COMMD2: variants seen among roughly 807,000 people sequenced by gnomAD.
COMMD2 encodes the protein COMM domain containing 2.
A neutral mutation model predicts 22.5 loss-of-function variants in COMMD2; 25 were observed. The observed-to-expected ratio is 1.11, with a 90% confidence interval of 0.81 to 1.55. The LOEUF is 1.55. Among genes scored for constraint, COMMD2 ranks in the 40% most tolerant of loss-of-function variants. The probability of loss-of-function intolerance (pLI) is 0.00; values close to 1 mark genes in which losing one functional copy is unlikely to be tolerated. For synonymous variants in COMMD2, 98 were observed against 91.2 expected, an observed-to-expected ratio of 1.07 and a Z score of -0.42; for missense variants, 223 against 232.9, an observed-to-expected ratio of 0.96 and a Z score of 0.28.
intron 2 of COMMD2, 186 bp from the exon 3 acceptor site, chr3:149,751,671 CCCA>C: frequency 2.0e-6 from 1 of 506,488 alleles, no homozygotes; most frequent in South Asian, 3.0e-5. Context: ...TTTGGTATTT[CCCA>C]CCAAGTAACC....
intron 4 of COMMD2, among the ~76,000 whole-genome samples, chr3:149,745,076 G>A (rs1263825034): frequency 6.6e-6 from 1 of 152,130 alleles, no homozygotes; most frequent in Non-Finnish European, 1.5e-5. Context: ...GCACACAAGA[G>A]AGACGTAAAG....
rs1371565649 is a variant in COMMD2 at position 149,740,036 on chromosome 3, G to A, written c.*1485C>T. 1 of 152,160 alleles carries A rather than the reference G, an allele frequency of 6.6e-6. No individual in the cohort carries two copies. Among genetic ancestry groups the A allele is most frequent in the African/African-American group, 2.4e-5 (1 of 41,424 alleles). 9.4% of individuals were successfully genotyped at this position (152,160 alleles called of 1,614,324 possible). A position where few individuals can be genotyped will look rare whatever the true frequency, so the allele number is the denominator to read the frequency against. ...CCTAATTCTTACGAAGCAAAGTATT[G>A]ACAAAGTCTAGAGCGCAGTTTAGAG... On this transcript the variant is annotated 3_prime_UTR_variant, in exon 5 of 5. Coordinates refer to ENST00000473414, the MANE Select transcript of COMMD2 (RefSeq NM_016094.4).
chr3:149,750,393 T>G (rs752039874), intron 4 of COMMD2: 2 of 487,340 alleles, frequency 4.1e-6, no homozygotes, highest in Admixed American at 2.4e-5. Flanking sequence ...CTGTTAAATT[T>G]AAACAGAAAA....
At chr3:149,751,940 T>C (rs913495728) in intron 2 of COMMD2, 5 of 411,124 alleles carry the variant, frequency 1.2e-5, no homozygotes, top group Middle Eastern at 6.4e-4. Flanking sequence ...GGTATATTTA[T>C]ACAAAACACT....
At chr3:149,744,253 A>C (rs1040783761) in intron 4 of COMMD2, among the ~76,000 whole-genome samples, 85 of 152,332 alleles carry the variant, frequency 5.6e-4, no homozygotes, top group African/African-American at 2.0e-3. Context: ...CAAGGCACTG[A>C]AAAGGGTATT....
In COMMD2 at chr3:149,749,715, A is replaced by G. The variant is rs6800144; in HGVS notation, c.402+963T>C. Among the ~76,000 whole-genome samples, 777 of 152,242 alleles carry G rather than the reference A, an allele frequency of 5.1e-3. 4 individuals are homozygous for G. Among genetic ancestry groups the G allele is most frequent in the African/African-American group, 0.018 (749 of 41,540 alleles). ...TTACCCTAATTTTCTCTATTCATTC[A>G]TCCTTCTGAAATTTCATTTCCTTTT... On this transcript the variant is annotated intron_variant, in intron 4 of 4. Coordinates refer to ENST00000473414, the MANE Select transcript of COMMD2 (RefSeq NM_016094.4).
In COMMD2 at chr3:149,747,235, T is replaced by C. The variant is rs142655369; in HGVS notation, c.402+3443A>G. ...GACAGTTCTAGGCTAAAGATATAAA[T>C]TTGAGAATCCCAAGAATATGGGGAT... On this transcript the variant is annotated intron_variant, in intron 4 of 4. Coordinates refer to ENST00000473414, the MANE Select transcript of COMMD2 (RefSeq NM_016094.4). 2.5e-3 allele frequency among the ~76,000 whole-genome samples: 382 copies of C among 152,306 alleles called. 3 individuals carry two copies. Among genetic ancestry groups the C allele is most frequent in the African/African-American group, 8.7e-3 (362 of 41,554 alleles).
rs147737497 is a variant in COMMD2, at chr3:149,744,110, T to C, written c.403-2392A>G. The stretch of plus-strand genomic sequence containing the variant: ...GTTCTTGATATGGACTTATTTTTTA[T>C]TGGGGATGAGATTCTGTCCTCCTCC... On this transcript the variant is annotated intron_variant, in intron 4 of 4. Coordinates refer to ENST00000473414, the MANE Select transcript of COMMD2 (RefSeq NM_016094.4). Among the ~76,000 whole-genome samples, 274 of 152,274 alleles carry C rather than the reference T, an allele frequency of 1.8e-3. 5 individuals are homozygous for C. In the East Asian group the frequency reaches 0.031, roughly 17 times the overall value.
chr3:149,751,058 A>G (rs1324828000), intron 3 of COMMD2, among the ~76,000 whole-genome samples: 3 of 152,214 alleles, frequency 2.0e-5, no homozygotes, highest in Non-Finnish European at 4.4e-5. Flanking sequence ...AATTGTTAAG[A>G]TGCCCAGTTT....
At chr3:149,751,295 TAAC>T (rs768498855) in intron 3 of COMMD2, 105 bp downstream of exon 3, 3 of 1,533,826 alleles carry the variant, frequency 2.0e-6, no homozygotes, top group Admixed American at 2.1e-5. Flanking sequence ...TATAAACCAT[TAAC>T]AACATTATTA....
Position 149,738,709 on chromosome 3 carries a change from T to TTTTAA in COMMD2, c.*2811_*2812insTTAAA, listed in dbSNP as rs1285368000. 6 of 152,266 alleles carry TTTTAA rather than the reference T, an allele frequency of 3.9e-5. No homozygotes were observed. The East Asian group carries it at 1.2e-3, about 29-fold the overall frequency. 9.4% of individuals were successfully genotyped at this position (152,266 alleles called of 1,614,324 possible). A position where few individuals can be genotyped will look rare whatever the true frequency, so the allele number is the denominator to read the frequency against. On this transcript the variant is annotated 3_prime_UTR_variant, in exon 5 of 5. Transcript: ENST00000473414. Reference sequence around the variant, plus strand: ...CTCCGAAGACTTATCTCTTAACCACTTCATAAGATTAAAACGCTGAAGGGG... The same window carrying TTTTAA: ...CTCCGAAGACTTATCTCTTAACCACTTTTAATCATAAGATTAAAACGCTGAAGGGG...
At chr3:149,744,388 G>T (rs1362792975) in intron 4 of COMMD2, among the ~76,000 whole-genome samples, 1 of 152,142 alleles carries the variant, frequency 6.6e-6, no homozygotes, top group East Asian at 1.9e-4. Context: ...GACAGGAAAA[G>T]AATGCTTTGA....
At chr3:149,744,422 T>TA (rs1716312183) in intron 4 of COMMD2, among the ~76,000 whole-genome samples, 1 of 152,200 alleles carries the variant, frequency 6.6e-6, no homozygotes, top group Non-Finnish European at 1.5e-5. Flanking sequence ...GGACCAGTCC[T>TA]AAAAGGAACA....
chr3:149,747,034 G>A (rs1054082154), intron 4 of COMMD2, among the ~76,000 whole-genome samples: 1 of 152,152 alleles, frequency 6.6e-6, no homozygotes, highest in Non-Finnish European at 1.5e-5. Context: ...TCCCACCCTT[G>A]ACAAGAGGGA....
At chr3:149,750,419 G>T in intron 4 of COMMD2, 1 of 516,772 alleles carries the variant, frequency 1.9e-6, no homozygotes, top group African/African-American at 1.9e-5. Context: ...TAAACATCTA[G>T]GCACCAACCT....
intron 3 of COMMD2, among the ~76,000 whole-genome samples, chr3:149,751,084 A>C (rs1716515952): frequency 6.6e-6 from 1 of 152,202 alleles, no homozygotes; most frequent in Non-Finnish European, 1.5e-5. Context: ...CCTGTCCTTC[A>C]TCAAGCCAGA....
chr3:149,749,581 A>T (rs1716472955), intron 4 of COMMD2, among the ~76,000 whole-genome samples: 1 of 152,244 alleles, frequency 6.6e-6, no homozygotes, highest in African/African-American at 2.4e-5. Context: ...AGGTTATTCC[A>T]ACATGAAGTC....
At position 149,738,673 on chromosome 3, in the gene COMMD2, CT is replaced by C. The variant is rs1243733641; in HGVS notation, c.*2847del. The C allele has an allele frequency of 1.3e-5, 2 of 151,950 alleles. No homozygotes were observed. Among genetic ancestry groups the C allele is most frequent in the Admixed American group, 6.6e-5 (1 of 15,266 alleles). The allele number at this position is 151,950 out of a possible 1,614,324, so 9.4% of individuals were successfully genotyped here. ...AATCCACAGAACCTAAATTCAAATC[CT>C]TTTGTCCAACTCCGAAGACTTATCT... is the stretch of plus-strand genomic sequence containing the variant. On this transcript the variant is annotated 3_prime_UTR_variant, in exon 5 of 5. Coordinates refer to ENST00000473414, the MANE Select transcript of COMMD2 (RefSeq NM_016094.4).
At chr3:149,747,571 A>G (rs1716411886) in intron 4 of COMMD2, among the ~76,000 whole-genome samples, 2 of 152,230 alleles carry the variant, frequency 1.3e-5, no homozygotes, top group South Asian at 2.1e-4. Context: ...AAGATTATAA[A>G]GCCTGATTAG....
Sources: allele counts gnomAD v4.1 joint callset (sites outside exome capture counted in the v4.1 genomes callset), GRCh38; gene constraint gnomAD v4.1.1; transcripts MANE v1.5; gene names NCBI Gene and HGNC (gene_info 2026-07-23, HGNC 2026-07-21).